Variants in NDRG1 observed in about 807,000 individuals in gnomAD.
NDRG1 encodes protein NDRG1.
NDRG1 carries 32 observed loss-of-function variants against 56.9 expected under a neutral mutation model. The observed-to-expected ratio is 0.56, with a 90% CI of 0.42 to 0.76. The LOEUF is 0.76. NDRG1 is among the 30% of genes least tolerant of loss of function. The pLI is 0.00. For synonymous variants in NDRG1, 211 were observed against 204.1 expected, an observed-to-expected ratio of 1.03 and a Z score of -0.29; for missense variants, 507 against 545.7, an observed-to-expected ratio of 0.93 and a Z score of 0.71.
chr8:133,248,300 G>A (rs1855808012), intron 11 of NDRG1, among the ~76,000 whole-genome samples: 1 of 152,164 alleles, frequency 6.6e-6, no homozygotes, highest in South Asian at 2.1e-4. Flanking sequence ...GCCACAAAAA[G>A]ACACCATCAT....
intron 4 of NDRG1, 66 bp downstream of exon 4, chr8:133,264,481 G>T: frequency 2.1e-6 from 3 of 1,450,094 alleles, no homozygotes; most frequent in Admixed American, 1.7e-5. Flanking sequence ...AGCCCTTCTC[G>T]GCTGCCTTTT....
In NDRG1 at chr8:133,254,559, C is replaced by T. The variant is rs1256911364; in HGVS notation, c.574G>A (p.Val192Met). 7 of 1,613,974 alleles carry T rather than the reference C, an allele frequency of 4.3e-6. No individual in the cohort carries two copies. The highest frequency in any genetic ancestry group is 1.3e-5 in the African/African-American group (1 of 74,916). The change falls in exon 9 of 16, where the codon GTG (valine) becomes ATG (methionine). Residue 192 changes from valine (V) to methionine (M), a missense_variant. Val to Met is a conservative substitution (Grantham distance 21). Coordinates refer to ENST00000323851, the MANE Select transcript of NDRG1 (RefSeq NM_006096.4). Reference protein sequence around the residue: ...GWTQALPDMVVSHLFGKEEMQ... With the variant: ...GWTQALPDMVMSHLFGKEEMQ... ...CTCACCTTCCCAAAAAGGTGGGACA[C>T]CACCATGTCCGGCAGAGCTTGGGTC...
At chr8:133,290,354 T>C (rs1675753359) in intron 1 of NDRG1, among the ~76,000 whole-genome samples, 1 of 152,160 alleles carries the variant, frequency 6.6e-6, no homozygotes, top group Non-Finnish European at 1.5e-5. Context: ...GAACAGTATC[T>C]GTGGCACTAA....
chr8:133,282,261 C>T (rs1165854891), intron 2 of NDRG1, among the ~76,000 whole-genome samples: 2 of 152,174 alleles, frequency 1.3e-5, no homozygotes, highest in East Asian at 1.9e-4. Flanking sequence ...TAGGGCTGTA[C>T]CTGCACATGT....
rs368035731 is a variant in NDRG1 at position 133,240,950 on chromosome 8, T to C, written c.943+1073A>G. On this transcript the variant is annotated intron_variant, in intron 15 of 15. Coordinates refer to ENST00000323851, the MANE Select transcript of NDRG1 (RefSeq NM_006096.4). ...GAAAGGCAGGAGCCCCACTAGCAGATAGCTTCTGTTGGAAGAGGGCACCTG... is the reference window on the plus strand; with the variant it reads ...GAAAGGCAGGAGCCCCACTAGCAGACAGCTTCTGTTGGAAGAGGGCACCTG... 1.2e-4 allele frequency: 18 copies of C among 152,294 alleles called. No individual in the cohort carries two copies. The East Asian group carries it at 2.5e-3, about 21-fold the overall frequency. The allele number at this position is 152,294 out of a possible 1,614,324, so 9.4% of individuals were successfully genotyped here. A position where few individuals can be genotyped will look rare whatever the true frequency, so the allele number is the denominator to read the frequency against.
chr8:133,252,341 C>T (rs1357695261), intron 9 of NDRG1, among the ~76,000 whole-genome samples: 3 of 152,184 alleles, frequency 2.0e-5, no homozygotes, highest in Admixed American at 6.5e-5. Flanking sequence ...GTGATCCACT[C>T]GCCTAAGCCT....
chr8:133,240,697 CTTTCTGGTAATAGAAGCCGA>C (rs1291637229), intron 15 of NDRG1: 1 of 152,176 alleles, frequency 6.6e-6, no homozygotes, highest in Non-Finnish European at 1.5e-5. Context: ...GAGGCTTCAG[CTTTCTGGTAATAGAAGCCGA>C]TTTGGGGAGA....
intron 2 of NDRG1, among the ~76,000 whole-genome samples, chr8:133,281,877 G>A (rs1857826984): frequency 6.6e-6 from 1 of 152,152 alleles, no homozygotes; most frequent in African/African-American, 2.4e-5. Context: ...GTGTGTACTG[G>A]TGGGAAAGAA....
intron 6 of NDRG1, chr8:133,258,956 C>T (rs141434756): frequency 1.2e-4 from 76 of 628,052 alleles, no homozygotes; most frequent in African/African-American, 9.5e-4. Context: ...ATAACATTCA[C>T]GCAAGAGGAA....
At position 133,242,108 on chromosome 8, in the gene NDRG1, T is replaced by C. The variant is rs769087974; in HGVS notation, c.892-34A>G. On this transcript the variant is annotated intron_variant, in intron 14 of 15. Transcript: ENST00000323851. ...GACAAGGAGAGAAAATGCAGTCAGTTGCTGGGGAGCCAGATCACCCGAGGC... is the reference window on the plus strand; with the variant it reads ...GACAAGGAGAGAAAATGCAGTCAGTCGCTGGGGAGCCAGATCACCCGAGGC... 4 of 1,613,676 alleles carry C rather than the reference T, an allele frequency of 2.5e-6. No homozygotes were observed. The East Asian group carries it at 8.9e-5, about 36-fold the overall frequency.
chr8:133,250,584 T>G (rs1464023328), intron 9 of NDRG1, 41 bp from the exon 10 acceptor site: 2 of 1,535,448 alleles, frequency 1.3e-6, no homozygotes, highest in African/African-American at 2.7e-5. Flanking sequence ...CATCGCACTG[T>G]GGCCCTGAGC....
At chr8:133,287,945 G>GCACACACA (rs61430539) in intron 1 of NDRG1, among the ~76,000 whole-genome samples, 62 of 149,130 alleles carry the variant, frequency 4.2e-4, no homozygotes, top group African/African-American at 1.4e-3. Flanking sequence ...GTGCACACAC[G>GCACACACA]CACACACACA....
At chr8:133,290,222 G>T (rs919776308) in intron 1 of NDRG1, among the ~76,000 whole-genome samples, 1 of 152,176 alleles carries the variant, frequency 6.6e-6, no homozygotes, top group African/African-American at 2.4e-5. Flanking sequence ...GGCTGAAGGG[G>T]TATCCAGCAG....
Position 133,258,368 on chromosome 8 carries a change from C to T in NDRG1, c.448G>A (p.Ala150Thr), listed in dbSNP as rs150796527. 82 of 1,611,066 alleles carry T rather than the reference C, an allele frequency of 5.1e-5. 3 individuals are homozygous for T. The highest frequency in any genetic ancestry group is 7.6e-6 in the Non-Finnish European group (9 of 1,178,760). ...TCAAAAAATGCCAAAGCACTCACAG[C>T]AAATCGAGTTAGGATGTAGGCGCCT... is the stretch of plus-strand genomic sequence containing the variant. ...GAGAYILTRF[A>T]LNNPEMVEGL... is the part of the protein sequence containing the mutation. Residue 150 changes from alanine (A) to threonine (T), a missense_variant and splice_region_variant, in exon 7 of 16, where the codon GCT (alanine) becomes ACT (threonine). Coordinates refer to ENST00000323851, the MANE Select transcript of NDRG1 (RefSeq NM_006096.4).
chr8:133,260,582 T>C (rs1452867098), intron 5 of NDRG1, among the ~76,000 whole-genome samples: 1 of 152,184 alleles, frequency 6.6e-6, no homozygotes, highest in East Asian at 1.9e-4. Context: ...TTCCCCCAAG[T>C]CTTTCACACA....
chr8:133,281,584 AC>A (rs11301082), intron 2 of NDRG1, among the ~76,000 whole-genome samples: 41,010 of 151,910 alleles, frequency 0.27, 5,687 homozygotes, highest in East Asian at 0.46. Context: ...CACTGTGAAA[AC>A]TGAGCCCCAG....
intron 13 of NDRG1, among the ~76,000 whole-genome samples, chr8:133,245,630 C>T (rs1855631307): frequency 6.6e-6 from 1 of 152,066 alleles, no homozygotes; most frequent in African/African-American, 2.4e-5. Flanking sequence ...AGCATTCTCC[C>T]CTAGCACCTT....
At chr8:133,252,847 G>A (rs990331071) in intron 9 of NDRG1, among the ~76,000 whole-genome samples, 5 of 151,048 alleles carry the variant, frequency 3.3e-5, no homozygotes, top group Non-Finnish European at 5.9e-5. Context: ...TCGTACACTC[G>A]CCAACTCCAG....
chr8:133,246,054 C>T (rs1372898896), intron 13 of NDRG1, among the ~76,000 whole-genome samples: 4 of 152,242 alleles, frequency 2.6e-5, no homozygotes, highest in Non-Finnish European at 4.4e-5. Context: ...GGGTGCACCC[C>T]GGCTGAGAGG....
Sources: gnomAD v4.1 joint callset for allele counts (sites outside exome capture counted in the v4.1 genomes callset) on GRCh38, gnomAD v4.1.1 for gene constraint, MANE v1.5 for transcripts, NCBI Gene and HGNC (gene_info 2026-07-23, HGNC 2026-07-21) for gene names.